The following CDH20 variants were observed in gnomAD, a reference collection of about 807,000 sequenced individuals.
The protein encoded by CDH20 is cadherin-20.
CDH20 carries 29 observed loss-of-function variants against 74.2 expected under a neutral mutation model. The observed-to-expected ratio is 0.39, with a 90% CI of 0.29 to 0.53. The LOEUF is 0.53. Ranked by LOEUF, CDH20 falls within the 20% of genes least tolerant of loss-of-function variation. The pLI is 0.69. For missense variants in CDH20, 988 were observed against 1,048.3 expected (o/e 0.94, Z 0.79); for synonymous variants, 469 against 405.4 (o/e 1.16, Z -1.88).
intron 1 of CDH20, among the ~76,000 whole-genome samples, chr18:61,413,138 A>G (rs1912566595): frequency 6.6e-6 from 1 of 152,170 alleles, no homozygotes; most frequent in South Asian, 2.1e-4. Context: ...TACACATGCA[A>G]ATACAAAATG....
At chr18:61,422,356 T>A (rs1340852708) in intron 1 of CDH20, among the ~76,000 whole-genome samples, 1 of 152,176 alleles carries the variant, frequency 6.6e-6, no homozygotes, top group Admixed American at 6.5e-5. Context: ...CACATTGGCA[T>A]CTTCTGTCTT....
chr18:61,480,883 C>T (rs2144277273), intron 1 of CDH20, among the ~76,000 whole-genome samples: 1 of 152,286 alleles, frequency 6.6e-6, no homozygotes, highest in South Asian at 2.1e-4. Flanking sequence ...TTTGTGAAAA[C>T]TCACTGCTTT....
chr18:61,407,129 T>G (rs1199455418), intron 1 of CDH20, among the ~76,000 whole-genome samples: 1 of 152,176 alleles, frequency 6.6e-6, no homozygotes, highest in Non-Finnish European at 1.5e-5. Context: ...ACCATCTGTG[T>G]TAACTATTGG....
At chr18:61,382,723 G>A (rs1599048571) in intron 1 of CDH20, among the ~76,000 whole-genome samples, 1 of 152,130 alleles carries the variant, frequency 6.6e-6, no homozygotes, top group Admixed American at 6.6e-5. Context: ...TCCTGTGAAT[G>A]GCAGCAAATT....
chr18:61,555,327 A>T lies in CDH20; in HGVS notation c.*632A>T. 1.0e-6 allele frequency: 1 copy of T among 985,578 alleles called. No individual in the cohort carries two copies. 61.1% of individuals were successfully genotyped at this position (985,578 alleles called of 1,614,324 possible). A position where few individuals can be genotyped will look rare whatever the true frequency, so the allele number is the denominator to read the frequency against. Reference sequence around the variant, plus strand: ...GGAAGAGACATTGACTTTATGCTCAAGTTTAGTGGCTGAACCAAGAGATGT... The same window carrying T: ...GGAAGAGACATTGACTTTATGCTCATGTTTAGTGGCTGAACCAAGAGATGT... On this transcript the variant is annotated 3_prime_UTR_variant, in exon 12 of 12. Transcript: ENST00000262717.
chr18:61,539,534 G>A (rs767334032), intron 9 of CDH20, among the ~76,000 whole-genome samples: 2 of 152,178 alleles, frequency 1.3e-5, no homozygotes, highest in Admixed American at 6.5e-5. Context: ...CACAATGGCC[G>A]TATAAGGTAT....
intron 1 of CDH20, among the ~76,000 whole-genome samples, chr18:61,391,438 C>T (rs981414552): frequency 1.3e-5 from 2 of 151,944 alleles, no homozygotes; most frequent in Non-Finnish European, 2.9e-5. Context: ...AACAATCAGA[C>T]AATTAATACA....
At chr18:61,340,750 C>A (rs1196782066) in intron 1 of CDH20, among the ~76,000 whole-genome samples, 1 of 152,132 alleles carries the variant, frequency 6.6e-6, no homozygotes, top group East Asian at 1.9e-4. Flanking sequence ...TTAAATTGTA[C>A]ATATTATAAA....
chr18:61,425,707 G>A (rs183844854), intron 1 of CDH20, among the ~76,000 whole-genome samples: 31 of 152,288 alleles, frequency 2.0e-4, no homozygotes, highest in Admixed American at 5.9e-4. Context: ...TTGGGGAAAG[G>A]AGAAGGGGGT....
chr18:61,526,331 T>C (rs1050724947), intron 6 of CDH20, among the ~76,000 whole-genome samples: 1 of 151,864 alleles, frequency 6.6e-6, no homozygotes, highest in African/African-American at 2.4e-5. Flanking sequence ...TTTTTTTAAG[T>C]AAGAAAATAA....
In CDH20 at chr18:61,555,560, G is replaced by A; in HGVS notation, c.*865G>A. 1.0e-6 allele frequency: 1 copy of A among 985,352 alleles called. No homozygotes were observed. Among genetic ancestry groups the A allele is most frequent in the Non-Finnish European group, 1.2e-6 (1 of 829,856 alleles). The allele number at this position is 985,352 out of a possible 1,614,324, so 61.0% of individuals were successfully genotyped here. On this transcript the variant is annotated 3_prime_UTR_variant, in exon 12 of 12. Transcript: ENST00000262717. The stretch of plus-strand genomic sequence containing the variant: ...AAAGAAGTATCTGACAAAAGCATGG[G>A]TTAGAGGGCTTTCCTAATCTGTGTG...
chr18:61,412,200 A>G (rs1912535163), intron 1 of CDH20, among the ~76,000 whole-genome samples: 2 of 152,152 alleles, frequency 1.3e-5, no homozygotes, highest in Non-Finnish European at 2.9e-5. Context: ...TATATACATA[A>G]TTCAAAGAGA....
intron 1 of CDH20, among the ~76,000 whole-genome samples, chr18:61,359,640 A>G (rs1000001072): frequency 8.5e-5 from 13 of 152,214 alleles, no homozygotes; most frequent in African/African-American, 3.1e-4. Flanking sequence ...ATTTAAAAAA[A>G]GAAAGTTATC....
At chr18:61,433,709 G>T (rs1037727849) in intron 1 of CDH20, among the ~76,000 whole-genome samples, 4 of 152,038 alleles carry the variant, frequency 2.6e-5, no homozygotes, top group Non-Finnish European at 5.9e-5. Context: ...TGAATAGAAG[G>T]TGTTTTCTGA....
intron 6 of CDH20, among the ~76,000 whole-genome samples, chr18:61,526,303 AT>A (rs1912411664): frequency 6.6e-6 from 1 of 151,236 alleles, no homozygotes; most frequent in Non-Finnish European, 1.5e-5. Context: ...TAATTTTTGT[AT>A]TTTTAGTAGA....
intron 2 of CDH20, among the ~76,000 whole-genome samples, chr18:61,494,273 T>C (rs1321517853): frequency 6.6e-6 from 1 of 152,198 alleles, no homozygotes; most frequent in African/African-American, 2.4e-5. Flanking sequence ...CAGTGGTGTT[T>C]AGGTGGGATC....
chr18:61,466,380 A>G (rs764192499), intron 1 of CDH20, among the ~76,000 whole-genome samples: 3 of 152,198 alleles, frequency 2.0e-5, no homozygotes, highest in African/African-American at 7.2e-5. Flanking sequence ...CTTAAATGCT[A>G]TATCATACTG....
chr18:61,442,147 C>T (rs116888277), intron 1 of CDH20, among the ~76,000 whole-genome samples: 2,365 of 152,036 alleles, frequency 0.016, 21 homozygotes, highest in Admixed American at 0.031. Flanking sequence ...GCCAGGAATT[C>T]GAGACCAGCC....
chr18:61,374,461 A>G (rs766214506), intron 1 of CDH20, among the ~76,000 whole-genome samples: 8 of 152,174 alleles, frequency 5.3e-5, no homozygotes, highest in Non-Finnish European at 1.2e-4. Context: ...ACAAAAGAGT[A>G]TATAGAAACA....
Sources: allele counts gnomAD v4.1 joint callset (sites outside exome capture counted in the v4.1 genomes callset), GRCh38; gene constraint gnomAD v4.1.1; transcripts MANE v1.5; gene names NCBI Gene and HGNC (gene_info 2026-07-23, HGNC 2026-07-21).